Variants in CERS6 observed in about 807,000 individuals in gnomAD.
The protein encoded by CERS6 is ceramide synthase 6, also known as LAG1 homolog, ceramide synthase 6.
CERS6 carries 26 observed loss-of-function variants against 56.8 expected under a neutral mutation model. The ratio of observed to expected loss-of-function variants is 0.46; its 90% CI spans 0.34 to 0.63. The LOEUF is 0.63. CERS6 is among the 30% of genes least tolerant of loss of function. CERS6 has a pLI of 0.01. For synonymous variants in CERS6, 164 were observed against 173.3 expected (o/e 0.95, Z 0.42); for missense variants, 415 against 467.5 (o/e 0.89, Z 1.04).
At chr2:168,601,371 A>G (rs1489637819) in intron 3 of CERS6, among the ~76,000 whole-genome samples, 2 of 152,176 alleles carry the variant, frequency 1.3e-5, no homozygotes, top group Non-Finnish European at 1.5e-5. Context: ...CTTAATTTGC[A>G]TTTATCAATA....
At chr2:168,635,173 G>A (rs538863873) in intron 4 of CERS6, among the ~76,000 whole-genome samples, 1 of 152,254 alleles carries the variant, frequency 6.6e-6, no homozygotes, top group African/African-American at 2.4e-5. Flanking sequence ...TAGCAGGAAG[G>A]CACTGCCACT....
At chr2:168,570,055 A>G (rs1695956537) in intron 3 of CERS6, among the ~76,000 whole-genome samples, 2 of 152,126 alleles carry the variant, frequency 1.3e-5, no homozygotes, top group Non-Finnish European at 1.5e-5. Context: ...TGGCTTCCTC[A>G]GAGCCACAAG....
intron 3 of CERS6, among the ~76,000 whole-genome samples, chr2:168,589,850 T>C (rs950971032): frequency 7.2e-5 from 11 of 152,264 alleles, no homozygotes; most frequent in Admixed American, 3.3e-4. Context: ...AACATTCTTA[T>C]GTGCATATTT....
chr2:168,509,813 C>A (rs887152708), intron 1 of CERS6, among the ~76,000 whole-genome samples: 1 of 152,148 alleles, frequency 6.6e-6, no homozygotes, highest in Non-Finnish European at 1.5e-5. Context: ...GTAATCCCAG[C>A]ACTGTGGGAG....
chr2:168,527,676 A>G (rs1695094532), intron 1 of CERS6, among the ~76,000 whole-genome samples: 2 of 152,114 alleles, frequency 1.3e-5, no homozygotes, highest in African/African-American at 4.8e-5. Flanking sequence ...ATGGCAGAAG[A>G]ACAGAAGAGC....
At chr2:168,523,452 C>G (rs1695018131) in intron 1 of CERS6, among the ~76,000 whole-genome samples, 1 of 151,874 alleles carries the variant, frequency 6.6e-6, no homozygotes, top group Admixed American at 6.6e-5. Context: ...TCAGAATTAC[C>G]CTTCCTAAAT....
intron 4 of CERS6, among the ~76,000 whole-genome samples, chr2:168,635,588 T>TGCC (rs1390802237): frequency 6.6e-6 from 1 of 152,230 alleles, no homozygotes; most frequent in Non-Finnish European, 1.5e-5. Flanking sequence ...CAGCAGTATC[T>TGCC]CAATAACTAG....
intron 4 of CERS6, among the ~76,000 whole-genome samples, chr2:168,687,783 C>T (rs1000693321): frequency 3.9e-5 from 6 of 152,162 alleles, no homozygotes; most frequent in African/African-American, 7.2e-5. Flanking sequence ...CTTATTGCAG[C>T]CTTGGCCCCC....
intron 4 of CERS6, among the ~76,000 whole-genome samples, chr2:168,669,964 C>A (rs900493626): frequency 6.6e-6 from 1 of 152,188 alleles, no homozygotes; most frequent in East Asian, 1.9e-4. Context: ...AAAAACAGAG[C>A]TTCAGAATCC....
chr2:168,583,290 T>G (rs1683463653), intron 3 of CERS6, among the ~76,000 whole-genome samples: 1 of 152,150 alleles, frequency 6.6e-6, no homozygotes, highest in South Asian at 2.1e-4. Context: ...CATGTCCTTT[T>G]GGCAAAGAGA....
intron 3 of CERS6, among the ~76,000 whole-genome samples, chr2:168,610,985 T>C (rs925315147): frequency 1.3e-5 from 2 of 152,094 alleles, no homozygotes; most frequent in African/African-American, 4.8e-5. Context: ...TTTTTTGTAT[T>C]TTTAGTAGAG....
intron 3 of CERS6, among the ~76,000 whole-genome samples, chr2:168,614,638 G>A (rs1194395908): frequency 6.6e-6 from 1 of 152,150 alleles, no homozygotes; most frequent in Non-Finnish European, 1.5e-5. Context: ...ACACAGCAGA[G>A]GCAGCCATAA....
chr2:168,678,392 A>G (rs973923453), intron 4 of CERS6, among the ~76,000 whole-genome samples: 1 of 152,188 alleles, frequency 6.6e-6, no homozygotes, highest in Non-Finnish European at 1.5e-5. Flanking sequence ...TCTTACTGCA[A>G]GGGGGCTGAG....
At chr2:168,535,760 A>G (rs1695252293) in intron 1 of CERS6, among the ~76,000 whole-genome samples, 1 of 122,632 alleles carries the variant, frequency 8.2e-6, no homozygotes, top group Non-Finnish European at 1.7e-5. Context: ...ACCTTTTTAT[A>G]TCTCGTGTGC....
intron 3 of CERS6, among the ~76,000 whole-genome samples, chr2:168,624,580 T>C (rs1684547550): frequency 6.6e-6 from 1 of 152,090 alleles, no homozygotes; most frequent in Non-Finnish European, 1.5e-5. Context: ...ATGCCAGCTG[T>C]TACTGTTTTG....
At chr2:168,541,263 G>A (rs750740200) in intron 1 of CERS6, among the ~76,000 whole-genome samples, 8 of 152,184 alleles carry the variant, frequency 5.3e-5, no homozygotes, top group Non-Finnish European at 1.0e-4. Context: ...TGGGGATCAA[G>A]TTTCAACATG....
intron 3 of CERS6, among the ~76,000 whole-genome samples, chr2:168,583,528 A>C (rs780672447): frequency 6.6e-6 from 1 of 152,194 alleles, no homozygotes; most frequent in Non-Finnish European, 1.5e-5. Flanking sequence ...ACCACATGCT[A>C]TGAGCTCAGG....
intron 4 of CERS6, among the ~76,000 whole-genome samples, chr2:168,682,976 A>G (rs1269851831): frequency 6.6e-6 from 1 of 152,228 alleles, no homozygotes; most frequent in Non-Finnish European, 1.5e-5. Context: ...TTATAAAAAG[A>G]ATTATAATGG....
intron 2 of CERS6, among the ~76,000 whole-genome samples, chr2:168,552,599 T>C (rs1038033768): frequency 6.6e-6 from 1 of 152,044 alleles, no homozygotes. Context: ...ACAAAAGCAC[T>C]TCTCAAGAGT....
Sources: allele counts gnomAD v4.1 joint callset (sites outside exome capture counted in the v4.1 genomes callset), GRCh38; gene constraint gnomAD v4.1.1; transcripts MANE v1.5; gene names NCBI Gene and HGNC (gene_info 2026-07-23, HGNC 2026-07-21).